DSCAM: variants seen among roughly 807,000 people sequenced by gnomAD.
DSCAM encodes the protein DS cell adhesion molecule, also known as cell adhesion molecule DSCAM.
DSCAM carries 47 observed loss-of-function variants against 217.7 expected under a neutral mutation model. The observed-to-expected ratio is 0.22, with a 90% CI of 0.17 to 0.28. DSCAM has a LOEUF of 0.28. Among genes scored for constraint, DSCAM ranks in the 10% least tolerant of loss-of-function variants. The pLI is 1.00. For synonymous variants in DSCAM, 1,056 were observed against 1,015.3 expected, an observed-to-expected ratio of 1.04 and a Z score of -0.76; for missense variants, 2,080 against 2,618.3, an observed-to-expected ratio of 0.79 and a Z score of 4.49.
chr21:40,316,397 C>G (rs142776965), intron 8 of DSCAM, among the ~76,000 whole-genome samples: 23 of 152,284 alleles, frequency 1.5e-4, no homozygotes, highest in African/African-American at 5.3e-4. Context: ...CTGCTGCATA[C>G]AAATGCATAA....
At chr21:40,311,510 A>G (rs1025804868) in intron 9 of DSCAM, among the ~76,000 whole-genome samples, 1 of 152,190 alleles carries the variant, frequency 6.6e-6, no homozygotes, top group Non-Finnish European at 1.5e-5. Flanking sequence ...AATTTTTTTG[A>G]ATAAGTACTA....
chr21:40,643,289 G>C (rs1015626763), intron 3 of DSCAM, among the ~76,000 whole-genome samples: 20 of 152,252 alleles, frequency 1.3e-4, no homozygotes, highest in East Asian at 9.7e-4. Context: ...ACTTCTTCTT[G>C]TTTTATTTTC....
At chr21:40,691,431 T>A (rs1308559623) in intron 3 of DSCAM, among the ~76,000 whole-genome samples, 2 of 152,214 alleles carry the variant, frequency 1.3e-5, no homozygotes, top group Non-Finnish European at 2.9e-5. Flanking sequence ...TCCCTTGCCA[T>A]ATAAATTGGA....
At chr21:40,528,876 T>C (rs970119989) in intron 3 of DSCAM, among the ~76,000 whole-genome samples, 2 of 150,936 alleles carry the variant, frequency 1.3e-5, no homozygotes, top group South Asian at 4.2e-4. Flanking sequence ...CATTTTGTCT[T>C]TGGCAATGTC....
chr21:40,101,850 G>T (rs1315229737), intron 20 of DSCAM, among the ~76,000 whole-genome samples: 1 of 152,064 alleles, frequency 6.6e-6, no homozygotes, highest in Non-Finnish European at 1.5e-5. Flanking sequence ...AAGGGATGTT[G>T]GCGAGAGTTA....
chr21:40,097,959 AAAGAAAGAAAG>A lies in DSCAM; in HGVS notation c.3697-4096_3697-4086del, dbSNP rs1568939014. 6.5e-3 allele frequency among the ~76,000 whole-genome samples: 172 copies of A among 26,546 alleles called. 31 individuals carry two copies. Among genetic ancestry groups the A allele is most frequent in the African/African-American group, 0.043 (154 of 3,570 alleles). 17.4% of individuals were successfully genotyped at this position (26,546 alleles called of 152,430 possible). Reference sequence around the variant, plus strand: ...CTGTCTCAAAAAAAAAAAAAAAAAGAAAGAAAGAAAGAAAGAAAGAAAGAAAGAAAGAAAGA... The same window carrying A: ...CTGTCTCAAAAAAAAAAAAAAAAAGAAAAGAAAGAAAGAAAGAAAGAAAGA... On this transcript the variant is annotated intron_variant, in intron 20 of 32. Coordinates refer to ENST00000400454, the MANE Select transcript of DSCAM (RefSeq NM_001389.5).
At chr21:40,204,212 CAT>C (rs2091100082) in intron 11 of DSCAM, among the ~76,000 whole-genome samples, 1 of 152,186 alleles carries the variant, frequency 6.6e-6, no homozygotes, top group African/African-American at 2.4e-5. Context: ...TGTGCACACA[CAT>C]GTACCCATGA....
At chr21:40,746,870 C>T (rs1452770601) in intron 1 of DSCAM, among the ~76,000 whole-genome samples, 2 of 151,902 alleles carry the variant, frequency 1.3e-5, no homozygotes, top group Admixed American at 6.6e-5. Context: ...TGTGTCTTTT[C>T]TGACCACCAT....
intron 32 of DSCAM, among the ~76,000 whole-genome samples, chr21:40,039,955 T>C (rs1374799545): frequency 6.6e-6 from 1 of 152,190 alleles, no homozygotes; most frequent in East Asian, 1.9e-4. Context: ...GAAGAGGGCA[T>C]ATAGGGAAAG....
intron 14 of DSCAM, among the ~76,000 whole-genome samples, chr21:40,182,053 GAT>G (rs1311887612): frequency 2.6e-5 from 4 of 152,074 alleles, no homozygotes; most frequent in Non-Finnish European, 4.4e-5. Flanking sequence ...TTGGGGGTCA[GAT>G]ACCCCAAATC....
intron 3 of DSCAM, among the ~76,000 whole-genome samples, chr21:40,544,859 T>G (rs1333823229): frequency 6.6e-6 from 1 of 152,036 alleles, no homozygotes; most frequent in African/African-American, 2.4e-5. Context: ...CTTGCGTCAC[T>G]TTTTTCCAAA....
intron 1 of DSCAM, among the ~76,000 whole-genome samples, chr21:40,794,259 A>G (rs2123474893): frequency 6.6e-6 from 1 of 152,290 alleles, no homozygotes; most frequent in South Asian, 2.1e-4. Flanking sequence ...AATAAGTGAT[A>G]TATTTAAATT....
chr21:40,619,999 AAGAG>A (rs1198851139), intron 3 of DSCAM, among the ~76,000 whole-genome samples: 5 of 118,890 alleles, frequency 4.2e-5, no homozygotes, highest in Admixed American at 7.6e-5. Context: ...GAGAGAGAGA[AAGAG>A]AGAGAAAAAA....
At chr21:40,325,142 TGAA>T (rs755718250) in intron 8 of DSCAM, among the ~76,000 whole-genome samples, 4 of 152,216 alleles carry the variant, frequency 2.6e-5, no homozygotes, top group Admixed American at 6.5e-5. Flanking sequence ...ATAACTGACT[TGAA>T]GAGGCTTTTT....
chr21:40,346,703 A>C (rs1002901663), intron 6 of DSCAM, among the ~76,000 whole-genome samples: 2 of 152,346 alleles, frequency 1.3e-5, no homozygotes. Context: ...TCACATATCC[A>C]AAACCTGTTA....
chr21:40,200,158 C>T (rs2091055244), intron 11 of DSCAM, among the ~76,000 whole-genome samples: 1 of 151,994 alleles, frequency 6.6e-6, no homozygotes, highest in African/African-American at 2.4e-5. Flanking sequence ...AGTCCATTTA[C>T]AGGAGACTCC....
At chr21:40,667,561 A>G (rs1447127417) in intron 3 of DSCAM, among the ~76,000 whole-genome samples, 4 of 152,100 alleles carry the variant, frequency 2.6e-5, no homozygotes, top group Non-Finnish European at 4.4e-5. Flanking sequence ...CCTCACCAAC[A>G]TCTCATCTTG....
At chr21:40,164,825 G>A (rs1346779962) in intron 16 of DSCAM, among the ~76,000 whole-genome samples, 4 of 150,446 alleles carry the variant, frequency 2.7e-5, no homozygotes, top group Admixed American at 6.6e-5. Flanking sequence ...AAAATAAAAT[G>A]AAATAAAAGT....
chr21:40,525,208 C>T (rs538132792), intron 3 of DSCAM, among the ~76,000 whole-genome samples: 12 of 152,122 alleles, frequency 7.9e-5, no homozygotes, highest in Admixed American at 4.6e-4. Flanking sequence ...TTATTTGTGA[C>T]GTATTTAATT....
Sources: allele counts gnomAD v4.1 joint callset (sites outside exome capture counted in the v4.1 genomes callset), GRCh38; gene constraint gnomAD v4.1.1; transcripts MANE v1.5; gene names NCBI Gene and HGNC (gene_info 2026-07-23, HGNC 2026-07-21).